The following UBE2H variants were observed in gnomAD, a reference collection of about 807,000 sequenced individuals.
The protein encoded by UBE2H is ubiquitin conjugating enzyme E2 H, also known as ubiquitin-conjugating enzyme E2 H.
A neutral mutation model predicts 29.0 loss-of-function variants in UBE2H; 3 were observed. That is an observed-to-expected ratio of 0.10 (90% confidence interval 0.05 to 0.27). The LOEUF is 0.27. UBE2H is among the 10% of genes least tolerant of loss of function. The probability of loss-of-function intolerance (pLI) is 1.00; values close to 1 mark genes in which losing one functional copy is unlikely to be tolerated. For missense variants in UBE2H, 68 were observed against 228.2 expected, an observed-to-expected ratio of 0.30 and a Z score of 4.52; for synonymous variants, 69 against 82.9, an observed-to-expected ratio of 0.83 and a Z score of 0.91.
intron 5 of UBE2H, among the ~76,000 whole-genome samples, chr7:129,843,773 T>G (rs1334623257): frequency 1.3e-5 from 2 of 152,090 alleles, no homozygotes; most frequent in Non-Finnish European, 2.9e-5. Context: ...CGCAGACACC[T>G]GCACACAGCG....
At position 129,851,081 on chromosome 7, in the gene UBE2H, T is replaced by C. The variant is rs191305148; in HGVS notation, c.298+6430A>G. ...CATTCCAAACCCGCTTAAAAGGTAA[T>C]TTCCCATTCATTGCCTAATTGTAGC... On this transcript the variant is annotated intron_variant, in intron 5 of 6. Transcript: ENST00000355621. 4.2e-4 allele frequency among the ~76,000 whole-genome samples: 64 copies of C among 152,268 alleles called. No homozygotes were observed. The East Asian group carries it at 8.5e-3, about 20-fold the overall frequency.
At chr7:129,934,409 G>A (rs564828285) in intron 1 of UBE2H, among the ~76,000 whole-genome samples, 5 of 150,924 alleles carry the variant, frequency 3.3e-5, no homozygotes, top group African/African-American at 4.9e-5. Context: ...AGGCCAAGGC[G>A]GGTGGATCAC....
At chr7:129,867,725 A>AAAAAAAAAAAAAAAAAAAAAAAAC (rs1805940520) in intron 3 of UBE2H, among the ~76,000 whole-genome samples, 6 of 45,248 alleles carry the variant, frequency 1.3e-4, no homozygotes, top group Non-Finnish European at 2.3e-4. Context: ...AAAGAAAACC[A>AAAAAAAAAAAAAAAAAAAAAAAAC]AAAAAAAAAA....
intron 1 of UBE2H, among the ~76,000 whole-genome samples, chr7:129,924,765 A>G (rs1807231038): frequency 6.6e-6 from 1 of 152,028 alleles, no homozygotes; most frequent in African/African-American, 2.4e-5. Flanking sequence ...AGATAACCCA[A>G]GAAGGAAGTG....
intron 1 of UBE2H, among the ~76,000 whole-genome samples, chr7:129,905,430 A>C (rs1227755886): frequency 6.6e-6 from 1 of 152,164 alleles, no homozygotes; most frequent in African/African-American, 2.4e-5. Context: ...GTTTACCTAT[A>C]GAGACCAGAA....
At chr7:129,845,720 C>T (rs780327105) in intron 5 of UBE2H, among the ~76,000 whole-genome samples, 9 of 152,218 alleles carry the variant, frequency 5.9e-5, no homozygotes, top group Non-Finnish European at 8.8e-5. Flanking sequence ...GCTGGCTCCT[C>T]AGTGGTGAAC....
intron 1 of UBE2H, among the ~76,000 whole-genome samples, chr7:129,904,147 C>A (rs994655545): frequency 6.6e-6 from 1 of 152,186 alleles, no homozygotes; most frequent in African/African-American, 2.4e-5. Flanking sequence ...TTTCTAGATA[C>A]ACTGGTCTTC....
chr7:129,861,222 T>TAA (rs539177122), intron 3 of UBE2H, among the ~76,000 whole-genome samples: 2 of 142,858 alleles, frequency 1.4e-5, no homozygotes, highest in Admixed American at 1.4e-4. Flanking sequence ...AGACTGTCTT[T>TAA]AAAAAAAAAA....
chr7:129,833,766 C>T lies in UBE2H; in HGVS notation c.*1171G>A, dbSNP rs572191511. ...ATTATTATTTGTTTTAAATTTAGAA[C>T]CTGTGTTGGGTCTAAAATACCCATT... On this transcript the variant is annotated 3_prime_UTR_variant, in exon 7 of 7. Transcript: ENST00000355621. The T allele has an allele frequency of 6.6e-6, 1 of 152,130 alleles. No homozygotes were observed. Among genetic ancestry groups the T allele is most frequent in the South Asian group, 2.1e-4 (1 of 4,820 alleles). 9.4% of individuals were successfully genotyped at this position (152,130 alleles called of 1,614,324 possible). A position where few individuals can be genotyped will look rare whatever the true frequency, so the allele number is the denominator to read the frequency against.
intron 1 of UBE2H, among the ~76,000 whole-genome samples, chr7:129,898,627 A>G (rs1204217971): frequency 6.6e-6 from 1 of 152,208 alleles, no homozygotes; most frequent in Non-Finnish European, 1.5e-5. Context: ...TGAAAAAACT[A>G]TTGAGTTTCC....
At chr7:129,900,751 C>CT (rs71704122) in intron 1 of UBE2H, among the ~76,000 whole-genome samples, 6,412 of 133,802 alleles carry the variant, frequency 0.048, 193 homozygotes, top group South Asian at 0.12. Flanking sequence ...TTTCTTTTTC[C>CT]TTTTTTTTTT....
intron 1 of UBE2H, among the ~76,000 whole-genome samples, chr7:129,895,251 T>A (rs1419390519): frequency 6.6e-6 from 1 of 152,084 alleles, no homozygotes; most frequent in Non-Finnish European, 1.5e-5. Flanking sequence ...ACCTGTCACA[T>A]GGGGGCTATG....
intron 1 of UBE2H, among the ~76,000 whole-genome samples, chr7:129,894,914 G>A (rs1317293966): frequency 1.3e-5 from 2 of 152,038 alleles, no homozygotes; most frequent in Non-Finnish European, 2.9e-5. Flanking sequence ...CTGCAAACTT[G>A]GACTGAACCG....
At chr7:129,907,473 C>A (rs1224543425) in intron 1 of UBE2H, among the ~76,000 whole-genome samples, 1 of 152,060 alleles carries the variant, frequency 6.6e-6, no homozygotes, top group Non-Finnish European at 1.5e-5. Flanking sequence ...ACCAGTTGAT[C>A]AGTTTTATTG....
chr7:129,917,057 C>T (rs1367464459), intron 1 of UBE2H, among the ~76,000 whole-genome samples: 1 of 146,416 alleles, frequency 6.8e-6, no homozygotes, highest in Non-Finnish European at 1.5e-5. Context: ...AAAAAAAACA[C>T]AGCTGGGCAT....
intron 4 of UBE2H, among the ~76,000 whole-genome samples, chr7:129,858,447 A>G (rs1222723891): frequency 6.6e-6 from 1 of 152,220 alleles, no homozygotes. Context: ...GGAATATTTT[A>G]AAGTATCATT....
intron 1 of UBE2H, among the ~76,000 whole-genome samples, chr7:129,926,165 TTTTTC>T (rs767419298): frequency 3.9e-5 from 6 of 152,270 alleles, no homozygotes; most frequent in African/African-American, 7.2e-5. Context: ...AGTCTATGAT[TTTTTC>T]TTTTCAAGAT....
chr7:129,900,593 C>T (rs1806690358), intron 1 of UBE2H, among the ~76,000 whole-genome samples: 1 of 152,030 alleles, frequency 6.6e-6, no homozygotes, highest in African/African-American at 2.4e-5. Flanking sequence ...GGCCAAATCA[C>T]TATTTAGAGA....
chr7:129,856,877 C>A (rs1410976972), intron 5 of UBE2H: 7 of 152,078 alleles, frequency 4.6e-5, no homozygotes, highest in African/African-American at 1.7e-4. Flanking sequence ...CTGCAGATAC[C>A]AAGAGATGAC....
Sources: allele counts gnomAD v4.1 joint callset (sites outside exome capture counted in the v4.1 genomes callset), GRCh38; gene constraint gnomAD v4.1.1; transcripts MANE v1.5; gene names NCBI Gene and HGNC (gene_info 2026-07-23, HGNC 2026-07-21).